LILRA2: variants seen among roughly 807,000 people sequenced by gnomAD.
The protein encoded by LILRA2 is leukocyte immunoglobulin like receptor A2.
In LILRA2, 45 loss-of-function variants were observed where a neutral mutation model predicts 47.9. That is an observed-to-expected ratio of 0.94 (90% CI 0.74 to 1.20). The LOEUF (loss-of-function observed/expected upper bound fraction) is 1.20. Ranked by LOEUF, LILRA2 falls within the 50% of genes most tolerant of loss-of-function variation. The probability of loss-of-function intolerance (pLI) is 0.00; values close to 1 mark genes in which losing one functional copy is unlikely to be tolerated. For synonymous variants in LILRA2, 279 were observed against 249.2 expected (o/e 1.12, Z -1.13); for missense variants, 651 against 598.2 (o/e 1.09, Z -0.92).
chr19:54,574,081 A>G lies in LILRA2; in HGVS notation c.40A>G (p.Ser14Gly), dbSNP rs780657028. ...ILTVLICLGL[S>G]LGPRTHVQAG... ...CACAGGGAACTCTCTTCCAGGGCTG[A>G]GTCTGGGCCCCAGGACCCACGTGCA... Residue 14 changes from serine (S) to glycine (G), a missense_variant, in exon 2 of 8, where the codon AGT (serine) becomes GGT (glycine). Physicochemically the swap from Ser to Gly is moderately conservative, Grantham distance 56. Coordinates refer to ENST00000391738, the MANE Select transcript of LILRA2 (RefSeq NM_001130917.3). The G allele has an allele frequency of 6.2e-7, 1 of 1,614,190 alleles. No individual in the cohort carries two copies. Among genetic ancestry groups the G allele is most frequent in the Non-Finnish European group, 8.5e-7 (1 of 1,180,022 alleles).
chr19:54,574,830 G>T lies in LILRA2; in HGVS notation c.452G>T (p.Gly151Val). 1 of 1,614,266 alleles carries T rather than the reference G, an allele frequency of 6.2e-7. No homozygotes were observed. Among genetic ancestry groups the T allele is most frequent in the Non-Finnish European group, 8.5e-7 (1 of 1,180,044 alleles). The change falls in exon 4 of 8, where the codon GGC becomes GTC. Residue 151 changes from glycine (G) to valine (V), a missense_variant. By Grantham distance (109) the Gly-to-Val change is moderately radical. Coordinates refer to ENST00000391738, the MANE Select transcript of LILRA2 (RefSeq NM_001130917.3). ...LQCVSQVAFD[G>V]FILCKEGEDE... Reference sequence around the variant, plus strand: ...TGTGTCTCACAGGTGGCATTTGACGGCTTCATTCTGTGTAAGGAAGGAGAA... The same window carrying T: ...TGTGTCTCACAGGTGGCATTTGACGTCTTCATTCTGTGTAAGGAAGGAGAA...
At chr19:54,584,082 G>T (rs1488882307) in intron 6 of LILRA2, among the ~76,000 whole-genome samples, 1 of 152,194 alleles carries the variant, frequency 6.6e-6, no homozygotes, top group African/African-American at 2.4e-5. Flanking sequence ...TTTTCTTTAA[G>T]AATGTTGAAT....
chr19:54,583,790 A>G (rs1370195697), intron 6 of LILRA2, among the ~76,000 whole-genome samples: 2 of 152,056 alleles, frequency 1.3e-5, no homozygotes, highest in Non-Finnish European at 1.5e-5. Context: ...TAATACTGTT[A>G]TGTTTGAGTT....
At position 54,574,930 on chromosome 19, in the gene LILRA2, C is replaced by T. The variant is rs776025649; in HGVS notation, c.552C>T (p.Pro184=). 118 of 1,614,224 alleles carry T rather than the reference C, an allele frequency of 7.3e-5. No individual in the cohort carries two copies. Among genetic ancestry groups the T allele is most frequent in the Admixed American group, 1.2e-4 (7 of 60,024 alleles). ...GWSWAIFSVG[P]VSPSRRWSYR... is the part of the protein sequence containing the mutation. ...CCTGGGCCATCTTCTCCGTGGGCCC[C>T]GTGAGCCCGAGTCGCAGGTGGTCGT... is the stretch of plus-strand genomic sequence containing the variant. Residue 184 remains proline (P), a synonymous_variant, in exon 4 of 8, where the codon CCC becomes CCT. Coordinates refer to ENST00000391738, the MANE Select transcript of LILRA2 (RefSeq NM_001130917.3).
chr19:54,575,825 CCTCT>C lies in LILRA2; in HGVS notation c.977_980del (p.Leu326ArgfsTer8). Reference sequence around the variant, plus strand: ...TCTCTAGGACAGTTCTATGACAGACCCTCTCTCTCGGTGCAGCCGGTCCCCACAG... The same window carrying C: ...TCTCTAGGACAGTTCTATGACAGACCCTCTCGGTGCAGCCGGTCCCCACAG... On this transcript the variant is annotated frameshift_variant, in exon 6 of 8. Coordinates refer to ENST00000391738, the MANE Select transcript of LILRA2 (RefSeq NM_001130917.3). LOFTEE classifies it high-confidence loss of function. The C allele has an allele frequency of 6.2e-7, 1 of 1,613,502 alleles. No homozygotes were observed. Among genetic ancestry groups the C allele is most frequent in the Non-Finnish European group, 8.5e-7 (1 of 1,179,722 alleles).
chr19:54,574,470 C>A lies in LILRA2; in HGVS notation c.240C>A (p.Gly80=). 6.2e-7 allele frequency: 1 copy of A among 1,614,126 alleles called. No homozygotes were observed. Among genetic ancestry groups the A allele is most frequent in the Non-Finnish European group, 8.5e-7 (1 of 1,180,006 alleles). The change falls in exon 3 of 8, where the codon GGC becomes GGA. Residue 80 remains glycine, a synonymous_variant. Coordinates refer to ENST00000391738, the MANE Select transcript of LILRA2 (RefSeq NM_001130917.3). Reference sequence around the variant, plus strand: ...GGATACAAGAGCCTGGGAAGAATGGCCAGTTCCCCATCCCATCCATCACCT... The same window carrying A: ...GGATACAAGAGCCTGGGAAGAATGGACAGTTCCCCATCCCATCCATCACCT... ...VRRIQEPGKN[G]QFPIPSITWE... is the part of the protein sequence containing the mutation.
chr19:54,585,557 C>G (rs932932278), intron 6 of LILRA2, among the ~76,000 whole-genome samples: 2 of 152,204 alleles, frequency 1.3e-5, no homozygotes, highest in African/African-American at 4.8e-5. Context: ...GACTGCTGCG[C>G]TAGCAGTGAG....
At chr19:54,586,163 A>G (rs188078092) in intron 6 of LILRA2, among the ~76,000 whole-genome samples, 332 of 151,930 alleles carry the variant, frequency 2.2e-3, no homozygotes, top group South Asian at 9.7e-3. Context: ...GAAGTTTTAC[A>G]TATATACACA....
Position 54,575,995 on chromosome 19 carries a change from C to T in LILRA2, c.1141C>T (p.Arg381Cys), listed in dbSNP as rs7249054. ...HQAQQNQAEF[R>C]MGPVTSAHVG... ...AGCTCAGCAGAACCAGGCTGAATTC[C>T]GCATGGGTCCTGTGACCTCAGCCCA... Residue 381 changes from arginine to cysteine, a missense_variant, in exon 6 of 8, where the codon CGC (arginine) becomes TGC (cysteine). Arg to Cys is a radical substitution (Grantham distance 180, BLOSUM62 -3). Coordinates refer to ENST00000391738, the MANE Select transcript of LILRA2 (RefSeq NM_001130917.3). 2.8e-3 allele frequency: 4,510 copies of T among 1,613,892 alleles called. 121 individuals are homozygous for T. In the African/African-American group the frequency reaches 0.053, roughly 19 times the overall value.
rs35031040 is a variant in LILRA2, at chr19:54,589,216, ACT to A, written c.*1873_*1874del. The A allele has an allele frequency of 0.36, 54,403 of 151,916 alleles. 9,917 individuals carry two copies. Among genetic ancestry groups the A allele is most frequent in the Non-Finnish European group, 0.42 (28,411 of 67,926 alleles). 9.4% of individuals were successfully genotyped at this position (151,916 alleles called of 1,614,324 possible). ...TCATAACTTAAATGCATTTGCAAAG[ACT>A]CTATTTCCAACTATGTTCACATTTA... On this transcript the variant is annotated 3_prime_UTR_variant, in exon 8 of 8. Coordinates refer to ENST00000391738, the MANE Select transcript of LILRA2 (RefSeq NM_001130917.3).
rs780667746 is a variant in LILRA2 at position 54,587,193 on chromosome 19, T to C, written c.1307-8T>C. ...ATCTGCCCTGACCTCTGTGACCTCT[T>C]TGTCCAGCATCCCTAGGCCAACACC... On this transcript the variant is annotated splice_polypyrimidine_tract_variant and splice_region_variant and intron_variant, in intron 7 of 7. Coordinates refer to ENST00000391738, the MANE Select transcript of LILRA2 (RefSeq NM_001130917.3). The C allele has an allele frequency of 1.9e-6, 3 of 1,614,074 alleles. No homozygotes were observed. In the South Asian group the frequency reaches 3.3e-5, roughly 18 times the overall value.
chr19:54,586,910 C>A (rs1161225825), intron 6 of LILRA2, 100 bp from the exon 7 acceptor site: 2 of 783,764 alleles, frequency 2.6e-6, no homozygotes, highest in Admixed American at 2.8e-5. Context: ...TATTGAGGAA[C>A]TCCATAAAAC....
chr19:54,583,184 G>T (rs1411187948), intron 6 of LILRA2, among the ~76,000 whole-genome samples: 6 of 152,126 alleles, frequency 3.9e-5, no homozygotes, highest in Non-Finnish European at 7.4e-5. Context: ...GCTGAGGAGT[G>T]GTTTACTACC....
intron 6 of LILRA2, among the ~76,000 whole-genome samples, chr19:54,585,830 C>T (rs2062785020): frequency 1.3e-5 from 2 of 152,306 alleles, no homozygotes; most frequent in South Asian, 4.1e-4. Flanking sequence ...ATGAGATAAA[C>T]CAGGTACCTC....
chr19:54,573,637 G>A (rs1481383865), upstream of LILRA2: 20 of 930,654 alleles, frequency 2.1e-5, no homozygotes, highest in South Asian at 1.8e-4. Context: ...CTGGGGGGCA[G>A]GAAAGACCCC....
At position 54,589,591 on chromosome 19, in the gene LILRA2, T is replaced by C. The variant is rs1461623620; in HGVS notation, c.*2245T>C. On this transcript the variant is annotated 3_prime_UTR_variant, in exon 8 of 8. Coordinates refer to ENST00000391738, the MANE Select transcript of LILRA2 (RefSeq NM_001130917.3). Reference sequence around the variant, plus strand: ...CTGCTCAAAGAAATAACAAAAGACCTAAATGAGGAAAAAGTCATCCCAGTA... The same window carrying C: ...CTGCTCAAAGAAATAACAAAAGACCCAAATGAGGAAAAAGTCATCCCAGTA... 6.6e-6 allele frequency: 1 copy of C among 152,176 alleles called. No homozygotes were observed. The highest frequency in any genetic ancestry group is 1.5e-5 in the Non-Finnish European group (1 of 68,034). The allele number at this position is 152,176 out of a possible 1,614,324, so 9.4% of individuals were successfully genotyped here.
intron 1 of LILRA2, 81 bp downstream of exon 1, chr19:54,573,993 C>G (rs2062246834): frequency 6.2e-7 from 1 of 1,613,384 alleles, no homozygotes; most frequent in Non-Finnish European, 8.5e-7. Context: ...TAAGGAGACC[C>G]CAGGGGCTCA....
chr19:54,579,727 C>T (rs150829652), intron 6 of LILRA2, among the ~76,000 whole-genome samples: 1,623 of 152,222 alleles, frequency 0.011, 71 homozygotes, highest in Admixed American at 0.081. Flanking sequence ...AATATTGATT[C>T]TTCCTATCCA....
In LILRA2 at chr19:54,587,052, C is replaced by G; in HGVS notation, c.1298C>G (p.Ser433Cys). ...AGCCCATCACAAAACAAGACAGACT[C>G]CACGACTAGTGAGTGAGGAGATGCT... ...TLSPSQNKTD[S>C]TTTSLGQHPQ... Residue 433 changes from serine to cysteine, a missense_variant, in exon 7 of 8, where the codon TCC becomes TGC. Transcript: ENST00000391738. 1 of 1,613,730 alleles carries G rather than the reference C, an allele frequency of 6.2e-7. No homozygotes were observed. The highest frequency in any genetic ancestry group is 2.2e-5 in the East Asian group (1 of 44,864).
Sources: gnomAD v4.1 joint callset for allele counts (sites outside exome capture counted in the v4.1 genomes callset) on GRCh38, gnomAD v4.1.1 for gene constraint, MANE v1.5 for transcripts, NCBI Gene and HGNC (gene_info 2026-07-23, HGNC 2026-07-21) for gene names.